KRT8: variants seen among roughly 807,000 people sequenced by gnomAD.
KRT8 encodes keratin 8, also known as keratin, type II cytoskeletal 8.
A neutral mutation model predicts 43.0 loss-of-function variants in KRT8; 24 were observed. The observed-to-expected ratio is 0.56, with a 90% CI of 0.40 to 0.78. KRT8 has a LOEUF of 0.78. KRT8 is among the 30% of genes least tolerant of loss of function. The pLI is 0.00. For synonymous variants in KRT8, 214 were observed against 261.2 expected, an observed-to-expected ratio of 0.82 and a Z score of 1.74; for missense variants, 492 against 638.4, an observed-to-expected ratio of 0.77 and a Z score of 2.47.
At chr12:52,930,545 C>CT (rs1942066611) in intron 2 of KRT8, among the ~76,000 whole-genome samples, 3 of 148,832 alleles carry the variant, frequency 2.0e-5, no homozygotes, top group East Asian at 2.0e-4. Context: ...CCAAACTTTC[C>CT]TTTTTTTGTT....
At chr12:52,938,625 T>C (rs543150525) in intron 2 of KRT8, among the ~76,000 whole-genome samples, 1 of 151,626 alleles carries the variant, frequency 6.6e-6, no homozygotes, top group Non-Finnish European at 1.5e-5. Context: ...AAAAGAATTT[T>C]TTTTTTTTTT....
At chr12:52,917,414 A>C (rs1941762312) in intron 2 of KRT8, among the ~76,000 whole-genome samples, 1 of 151,430 alleles carries the variant, frequency 6.6e-6, no homozygotes, top group Admixed American at 6.6e-5. Flanking sequence ...AAAAAAAAGA[A>C]AAAAAAGAAA....
chr12:52,924,637 T>C (rs1941954657), intron 2 of KRT8, among the ~76,000 whole-genome samples: 1 of 151,914 alleles, frequency 6.6e-6, no homozygotes, highest in Non-Finnish European at 1.5e-5. Context: ...ATGATGATAA[T>C]GTTTGTAAAG....
At chr12:52,936,247 A>G (rs749595361) in intron 2 of KRT8, among the ~76,000 whole-genome samples, 12 of 151,834 alleles carry the variant, frequency 7.9e-5, no homozygotes, top group Admixed American at 3.3e-4. Flanking sequence ...GGAAGATTCC[A>G]TCTAAAAAAA....
At chr12:52,904,800 C>T in exon 1 of KRT8, 1 of 1,612,326 alleles carries the variant, frequency 6.2e-7, no homozygotes, top group Non-Finnish European at 8.5e-7. Context: ...GGTGATGCCT[C>T]CCATGCCGCT....
At chr12:52,921,762 C>T (rs1442845214) in intron 2 of KRT8, among the ~76,000 whole-genome samples, 3 of 152,178 alleles carry the variant, frequency 2.0e-5, no homozygotes, top group Non-Finnish European at 4.4e-5. Flanking sequence ...AGCTATTCCC[C>T]CATGGCCTAG....
upstream of KRT8, among the ~76,000 whole-genome samples, chr12:52,909,930 C>A (rs1941598563): frequency 6.6e-6 from 1 of 152,080 alleles, no homozygotes; most frequent in African/African-American, 2.4e-5. Context: ...ATGTTGAGGT[C>A]TCCCACACTT....
Position 52,915,559 on chromosome 12 carries a change from A to C in KRT8, c.-46-10532T>G, listed in dbSNP as rs578244966. Among the ~76,000 whole-genome samples, 4 of 151,688 alleles carry C rather than the reference A, an allele frequency of 2.6e-5. No homozygotes were observed. In the South Asian group the frequency reaches 6.3e-4, roughly 24 times the overall value. On this transcript the variant is annotated intron_variant, in intron 2 of 6. Transcript: ENST00000546826. ...CCCATCTGTACTAAAAATACAAAAA[A>C]ATCAGCCGAGCATGGTGGTGCATGC...
exon 7 of KRT8, chr12:52,898,471 G>A (rs199843639): frequency 1.6e-5 from 26 of 1,613,706 alleles, no homozygotes; most frequent in Middle Eastern, 1.6e-4. Context: ...CTGCATAGCC[G>A]CTGGTGGTCT....
exon 1 of KRT8, chr12:52,905,027 C>T: frequency 6.4e-7 from 1 of 1,574,144 alleles, no homozygotes; most frequent in Non-Finnish European, 8.6e-7. Context: ...AGGCGGAGAT[C>T]CTAGAAGGAG....
At chr12:52,908,771 C>T (rs1271097907), upstream of KRT8, among the ~76,000 whole-genome samples, 3 of 152,132 alleles carry the variant, frequency 2.0e-5, no homozygotes, top group Middle Eastern at 3.4e-3. Flanking sequence ...TTTGGGAGGT[C>T]GAGGCAGGAG....
At chr12:52,903,909 C>T (rs1472169690) in intron 1 of KRT8, among the ~76,000 whole-genome samples, 1 of 144,740 alleles carries the variant, frequency 6.9e-6, no homozygotes, top group Non-Finnish European at 1.5e-5. Flanking sequence ...CGCCGAGCTC[C>T]GCCAGGTGGA....
chr12:52,909,120 G>GT (rs1941581525), upstream of KRT8, among the ~76,000 whole-genome samples: 1 of 152,240 alleles, frequency 6.6e-6, no homozygotes, highest in Admixed American at 6.5e-5. Flanking sequence ...GAATTATATT[G>GT]TATGTGAATT....
chr12:52,899,983 C>T, exon 5 of KRT8: 1 of 1,613,364 alleles, frequency 6.2e-7, no homozygotes, highest in Non-Finnish European at 8.5e-7. Context: ...AGCAATGATG[C>T]TGTCCATGTC....
chr12:52,929,439 C>T (rs922235805), intron 2 of KRT8, among the ~76,000 whole-genome samples: 19 of 152,120 alleles, frequency 1.2e-4, no homozygotes, highest in African/African-American at 3.9e-4. Flanking sequence ...GGTGATCTGC[C>T]CACCTCAGCC....
At chr12:52,936,585 T>C (rs955541248) in intron 2 of KRT8, among the ~76,000 whole-genome samples, 1 of 152,192 alleles carries the variant, frequency 6.6e-6, no homozygotes, top group African/African-American at 2.4e-5. Context: ...CAATCTGCAC[T>C]CACTGCAACC....
At chr12:52,903,257 G>C (rs1490466261) in intron 1 of KRT8, among the ~76,000 whole-genome samples, 4 of 130,264 alleles carry the variant, frequency 3.1e-5, no homozygotes, top group African/African-American at 1.1e-4. Flanking sequence ...TATGGATTTA[G>C]GGGCTCTCAT....
chr12:52,901,501 C>T (rs1355028763), intron 2 of KRT8: 2 of 552,146 alleles, frequency 3.6e-6, no homozygotes. Context: ...TCAGACAGAA[C>T]TTTCTAGAGT....
At chr12:52,938,035 T>TA (rs1240454117) in intron 2 of KRT8, among the ~76,000 whole-genome samples, 1 of 143,202 alleles carries the variant, frequency 7.0e-6, no homozygotes, top group Non-Finnish European at 1.5e-5. Flanking sequence ...AATAAAGAGA[T>TA]ACAGATGGTA....
Sources: allele counts gnomAD v4.1 joint callset (sites outside exome capture counted in the v4.1 genomes callset), GRCh38; gene constraint gnomAD v4.1.1; transcripts MANE v1.5; gene names NCBI Gene and HGNC (gene_info 2026-07-23, HGNC 2026-07-21).